Variants in TRAPPC10 observed in about 807,000 individuals in gnomAD.
TRAPPC10 encodes TRAPP 130 kDa subunit.
TRAPPC10 carries 23 observed loss-of-function variants against 125.5 expected under a neutral mutation model. The observed-to-expected ratio is 0.18, with a 90% CI of 0.13 to 0.26. The LOEUF (loss-of-function observed/expected upper bound fraction) is 0.26. Ranked by LOEUF, TRAPPC10 falls within the 10% of genes least tolerant of loss-of-function variation. The pLI is 1.00. For synonymous variants in TRAPPC10, 509 were observed against 518.0 expected, an observed-to-expected ratio of 0.98 and a Z score of 0.24; for missense variants, 1,123 against 1,308.4, an observed-to-expected ratio of 0.86 and a Z score of 2.19.
chr21:44,094,343 A>G, intron 20 of TRAPPC10, 110 bp downstream of exon 20: 1 of 1,063,530 alleles, frequency 9.4e-7, no homozygotes, highest in Non-Finnish European at 1.3e-6. Context: ...ATAATGAAGG[A>G]GCAGCTGGAG....
In TRAPPC10 at chr21:44,052,456, T is replaced by G. The variant is rs564920139; in HGVS notation, c.462T>G (p.Phe154Leu). ...TSIVDKIRNDFCNKQSDRCVV... is the reference protein window; with the variant it reads ...TSIVDKIRNDLCNKQSDRCVV... ...TTGTGGACAAAATAAGAAATGATTT[T>G]TGTAATAAACAGAGTGACAGGTAAG... Residue 154 changes from phenylalanine (F) to leucine (L), a missense_variant, in exon 4 of 23, where the codon TTT becomes TTG. Around this residue, in one of 4 missense-constraint regions of TRAPPC10, gnomAD observed 177 missense variants for 228.9 expected, o/e 0.77. Transcript: ENST00000291574. 1 of 1,606,338 alleles carries G rather than the reference T, an allele frequency of 6.2e-7. No homozygotes were observed. Among genetic ancestry groups the G allele is most frequent in the South Asian group, 1.1e-5 (1 of 89,256 alleles).
intron 1 of TRAPPC10, among the ~76,000 whole-genome samples, chr21:44,018,691 C>G (rs78324988): frequency 5.6e-5 from 4 of 71,872 alleles, no homozygotes; most frequent in Non-Finnish European, 1.2e-4. Context: ...GACTCCGTCT[C>G]AAAAAAAAAA....
Position 44,079,633 on chromosome 21 carries a change from C to G in TRAPPC10, c.1539C>G (p.Gly513=), listed in dbSNP as rs148086257. The G allele has an allele frequency of 5.0e-6, 8 of 1,610,350 alleles. No homozygotes were observed. ...QGALKNYLAE[G]WALPITHTRK... is the part of the protein sequence containing the mutation. ...CACTGAAAAACTACCTGGCTGAGGG[C>G]TGGGCACTCCCCATCACACACACAA... Residue 513 remains glycine, a synonymous_variant, in exon 12 of 23, where the codon GGC becomes GGG. Coordinates refer to ENST00000291574, the MANE Select transcript of TRAPPC10 (RefSeq NM_003274.5).
At chr21:44,080,864 CTT>C (rs925810305) in intron 13 of TRAPPC10, among the ~76,000 whole-genome samples, 3 of 134,062 alleles carry the variant, frequency 2.2e-5, no homozygotes, top group Non-Finnish European at 1.6e-5. Context: ...TAAGATGGTG[CTT>C]TTTTTTTTTT....
chr21:44,016,799 C>T (rs1377188881), intron 1 of TRAPPC10, among the ~76,000 whole-genome samples: 1 of 152,138 alleles, frequency 6.6e-6, no homozygotes, highest in Non-Finnish European at 1.5e-5. Flanking sequence ...GCTGGGACTA[C>T]AGGCGCCCGC....
chr21:44,035,719 G>T (rs564830720), intron 2 of TRAPPC10, among the ~76,000 whole-genome samples: 1 of 152,288 alleles, frequency 6.6e-6, no homozygotes, highest in East Asian at 1.9e-4. Flanking sequence ...GGAGATTGCA[G>T]TGAGCCAAGA....
chr21:44,026,452 A>G (rs1178313040), intron 1 of TRAPPC10, among the ~76,000 whole-genome samples: 1 of 152,338 alleles, frequency 6.6e-6, no homozygotes, highest in East Asian at 1.9e-4. Flanking sequence ...TTTATCGTCC[A>G]TTTGAAAGCC....
intron 18 of TRAPPC10, 97 bp downstream of exon 18, chr21:44,090,030 G>A: frequency 2.3e-6 from 2 of 886,800 alleles, no homozygotes; most frequent in Admixed American, 2.1e-5. Context: ...GGTGACCAAG[G>A]ATGTCTTCTT....
At chr21:44,037,043 G>A (rs1005844424) in intron 2 of TRAPPC10, among the ~76,000 whole-genome samples, 18 of 152,166 alleles carry the variant, frequency 1.2e-4, no homozygotes, top group African/African-American at 3.4e-4. Flanking sequence ...CATTCATGAT[G>A]GTTGGTTTTA....
intron 1 of TRAPPC10, among the ~76,000 whole-genome samples, chr21:44,019,770 C>G (rs1281252917): frequency 6.6e-6 from 1 of 152,182 alleles, no homozygotes; most frequent in East Asian, 1.9e-4. Flanking sequence ...TGCCACCTGC[C>G]GCACCACTGT....
intron 1 of TRAPPC10, among the ~76,000 whole-genome samples, chr21:44,027,193 T>C (rs1401604341): frequency 1.3e-5 from 2 of 152,234 alleles, no homozygotes; most frequent in African/African-American, 2.4e-5. Context: ...GGTTTTTTTT[T>C]CCAACATAAA....
chr21:44,037,483 AC>A (rs1168162765), intron 2 of TRAPPC10, among the ~76,000 whole-genome samples: 1 of 152,182 alleles, frequency 6.6e-6, no homozygotes, highest in East Asian at 1.9e-4. Flanking sequence ...AGATTCCGTT[AC>A]ACTGAAACCC....
chr21:44,040,881 G>A (rs1017603838), intron 3 of TRAPPC10, among the ~76,000 whole-genome samples: 2 of 150,782 alleles, frequency 1.3e-5, no homozygotes, highest in African/African-American at 4.9e-5. Context: ...CCCCTGAAGT[G>A]CTGGGACTAC....
At position 44,079,575 on chromosome 21, in the gene TRAPPC10, C is replaced by A; in HGVS notation, c.1481C>A (p.Ala494Asp). The A allele has an allele frequency of 6.3e-7, 1 of 1,595,780 alleles. No homozygotes were observed. Among genetic ancestry groups the A allele is most frequent in the Non-Finnish European group, 8.5e-7 (1 of 1,175,708 alleles). Reference sequence around the variant, plus strand: ...GTTGACTTTGCAAGGAGGAAAAAGGCTCCACAAAAGGCAGAAATCTATCTT... The same window carrying A: ...GTTGACTTTGCAAGGAGGAAAAAGGATCCACAAAAGGCAGAAATCTATCTT... ...DLAEFYMRKKAPQKAEIYLQG... is the reference protein window; with the variant it reads ...DLAEFYMRKKDPQKAEIYLQG... Residue 494 changes from alanine (A) to aspartate (D), a missense_variant, in exon 12 of 23, where the codon GCT becomes GAT. Physicochemically the swap from Ala to Asp is moderately radical, Grantham distance 126. Coordinates refer to ENST00000291574, the MANE Select transcript of TRAPPC10 (RefSeq NM_003274.5).
intron 3 of TRAPPC10, among the ~76,000 whole-genome samples, chr21:44,042,645 A>T (rs576832411): frequency 1.2e-4 from 19 of 152,310 alleles, no homozygotes; most frequent in African/African-American, 4.6e-4. Context: ...GACCTATCTT[A>T]CTGCTTGTGT....
chr21:44,032,400 T>TG lies in TRAPPC10; in HGVS notation c.149+229dup, dbSNP rs1555928036. On this transcript the variant is annotated intron_variant, in intron 2 of 22. Coordinates refer to ENST00000291574, the MANE Select transcript of TRAPPC10 (RefSeq NM_003274.5). ...TTTTCTTTTTTTTTTTTTTTTTTTT[T>TG]GAGACAGAGTCTCGTTCTGTCGCCC... 1.8e-3 allele frequency among the ~76,000 whole-genome samples: 272 copies of TG among 149,538 alleles called. 2 individuals are homozygous for TG. The Middle Eastern group carries it at 0.024, about 13-fold the overall frequency.
chr21:44,013,206 C>G (rs1038429808), intron 1 of TRAPPC10, among the ~76,000 whole-genome samples: 1 of 152,164 alleles, frequency 6.6e-6, no homozygotes, highest in African/African-American at 2.4e-5. Flanking sequence ...CCTGGTGCCT[C>G]TTGGGTGTCG....
At chr21:44,016,477 A>C (rs1322642467) in intron 1 of TRAPPC10, among the ~76,000 whole-genome samples, 2 of 152,094 alleles carry the variant, frequency 1.3e-5, no homozygotes, top group Non-Finnish European at 2.9e-5. Context: ...CCTCTAGGTG[A>C]TCTGTTCTCA....
intron 3 of TRAPPC10, among the ~76,000 whole-genome samples, chr21:44,040,222 A>T (rs1310484975): frequency 3.3e-5 from 5 of 152,250 alleles, no homozygotes; most frequent in Admixed American, 2.0e-4. Context: ...AAGTTCCCAT[A>T]TGCAGAACTA....
Sources: allele counts gnomAD v4.1 joint callset (sites outside exome capture counted in the v4.1 genomes callset), GRCh38; gene constraint gnomAD v4.1.1; regional missense constraint gnomAD v4.1.1; transcripts MANE v1.5; gene names NCBI Gene and HGNC (gene_info 2026-07-23, HGNC 2026-07-21).